ITK: variants seen among roughly 807,000 people sequenced by gnomAD.
ITK encodes tyrosine-protein kinase ITK/TSK.
A neutral mutation model predicts 87.6 loss-of-function variants in ITK; 45 were observed. The observed-to-expected ratio is 0.51, with a 90% CI of 0.40 to 0.66. ITK has a LOEUF of 0.66. ITK is among the 30% of genes least tolerant of loss of function. ITK has a pLI of 0.00. For synonymous variants in ITK, 303 were observed against 273.6 expected, an observed-to-expected ratio of 1.11 and a Z score of -1.06; for missense variants, 605 against 766.3, an observed-to-expected ratio of 0.79 and a Z score of 2.48.
chr5:157,225,618 C>T (rs578235076), intron 6 of ITK, among the ~76,000 whole-genome samples: 8 of 152,140 alleles, frequency 5.3e-5, no homozygotes, highest in South Asian at 2.1e-4. Context: ...CAGGGTAAAA[C>T]GTGATGAGAT....
At chr5:157,239,394 G>A (rs1301351490) in intron 9 of ITK, among the ~76,000 whole-genome samples, 1 of 152,146 alleles carries the variant, frequency 6.6e-6, no homozygotes, top group Non-Finnish European at 1.5e-5. Flanking sequence ...TCTACCAGGG[G>A]AGCTCATTAG....
At chr5:157,244,601 C>G in intron 13 of ITK, 123 bp downstream of exon 13, 2 of 729,404 alleles carry the variant, frequency 2.7e-6, no homozygotes, top group South Asian at 3.0e-5. Flanking sequence ...CTCAACTTCT[C>G]CCTTCCTTCA....
chr5:157,238,679 G>A (rs1051965011), intron 9 of ITK, among the ~76,000 whole-genome samples: 1 of 152,152 alleles, frequency 6.6e-6, no homozygotes, highest in Admixed American at 6.5e-5. Flanking sequence ...AGAAGAAACC[G>A]AGGTTCAGGA....
At chr5:157,213,243 T>A (rs1449798481) in intron 3 of ITK, among the ~76,000 whole-genome samples, 1 of 152,154 alleles carries the variant, frequency 6.6e-6, no homozygotes, top group South Asian at 2.1e-4. Context: ...CCATCAGGTC[T>A]CATGAGAACT....
intron 16 of ITK, among the ~76,000 whole-genome samples, chr5:157,251,519 A>C (rs1318102199): frequency 6.6e-6 from 1 of 152,238 alleles, no homozygotes; most frequent in African/African-American, 2.4e-5. Flanking sequence ...GCTCAACATC[A>C]ACTTATTTAT....
chr5:157,185,242 C>CTTT (rs796151659), intron 1 of ITK, among the ~76,000 whole-genome samples: 2 of 141,558 alleles, frequency 1.4e-5, no homozygotes, highest in African/African-American at 2.6e-5. Context: ...AAAAAGCTAT[C>CTTT]TTTTTTTTTT....
chr5:157,182,384 A>G (rs143707447), intron 1 of ITK, among the ~76,000 whole-genome samples: 6 of 152,300 alleles, frequency 3.9e-5, no homozygotes, highest in Non-Finnish European at 8.8e-5. Context: ...TGGATGCCTC[A>G]CTTTTTAAAG....
intron 10 of ITK, chr5:157,240,589 G>A (rs886268985): frequency 2.0e-5 from 6 of 303,614 alleles, no homozygotes; most frequent in African/African-American, 1.3e-4. Context: ...ATAAAGAAAA[G>A]AGGTTTAATT....
At chr5:157,236,772 C>G (rs1475833310) in intron 8 of ITK, among the ~76,000 whole-genome samples, 1 of 152,010 alleles carries the variant, frequency 6.6e-6, no homozygotes, top group Non-Finnish European at 1.5e-5. Flanking sequence ...TTTATTAGTG[C>G]TTATTTCATC....
chr5:157,222,538 G>A (rs145864079), intron 5 of ITK, among the ~76,000 whole-genome samples: 3 of 152,306 alleles, frequency 2.0e-5, no homozygotes, highest in East Asian at 1.9e-4. Flanking sequence ...ATTTCATGTT[G>A]ACTGCATCTC....
chr5:157,231,437 A>T (rs1239704368), intron 7 of ITK, among the ~76,000 whole-genome samples: 1 of 152,180 alleles, frequency 6.6e-6, no homozygotes, highest in Non-Finnish European at 1.5e-5. Context: ...CCTCGATTAG[A>T]TAATCTCTAA....
chr5:157,188,208 G>A (rs1753684455), intron 1 of ITK, among the ~76,000 whole-genome samples: 1 of 152,122 alleles, frequency 6.6e-6, no homozygotes, highest in South Asian at 2.1e-4. Context: ...TTCCAGCTGG[G>A]CTTCTGCTGG....
chr5:157,208,505 A>T (rs142450307), intron 1 of ITK, among the ~76,000 whole-genome samples: 2 of 152,228 alleles, frequency 1.3e-5, no homozygotes, highest in Non-Finnish European at 2.9e-5. Context: ...TCCGAGCTCA[A>T]TTACTATGCT....
At chr5:157,196,270 C>A (rs1753853811) in intron 1 of ITK, among the ~76,000 whole-genome samples, 1 of 152,248 alleles carries the variant, frequency 6.6e-6, no homozygotes, top group Middle Eastern at 3.4e-3. Flanking sequence ...AGAAGTTGTA[C>A]CAGTGAACAT....
At chr5:157,205,975 C>CTTTTTTTTTTTT (rs36004184) in intron 1 of ITK, among the ~76,000 whole-genome samples, 2 of 111,498 alleles carry the variant, frequency 1.8e-5, no homozygotes, top group Non-Finnish European at 1.8e-5. Flanking sequence ...AAGGATTAGC[C>CTTTTTTTTTTTT]TTTTTTTTTT....
chr5:157,208,075 C>A lies in ITK; in HGVS notation c.139-814C>A, dbSNP rs116193039. On this transcript the variant is annotated intron_variant, in intron 1 of 16. Transcript: ENST00000422843. ...TCAATGGCAGCTCAATTCTAGGTACCTGTGAGAGGCTTCTTCCATCCAGAA... is the reference window on the plus strand; with the variant it reads ...TCAATGGCAGCTCAATTCTAGGTACATGTGAGAGGCTTCTTCCATCCAGAA... Among the ~76,000 whole-genome samples the A allele has an allele frequency of 7.2e-3, 1,096 of 152,216 alleles. 17 individuals carry two copies. The highest frequency in any genetic ancestry group is 0.025 in the African/African-American group (1,035 of 41,526).
chr5:157,199,469 C>A (rs969413573), intron 1 of ITK: 2 of 152,190 alleles, frequency 1.3e-5, no homozygotes, highest in African/African-American at 4.8e-5. Context: ...CCAGCATAAG[C>A]ATTGCTCAGT....
chr5:157,210,419 A>G (rs1754165498), intron 2 of ITK, among the ~76,000 whole-genome samples: 1 of 152,100 alleles, frequency 6.6e-6, no homozygotes, highest in Admixed American at 6.5e-5. Flanking sequence ...AAGGAATAGC[A>G]TGTATTTTTC....
At chr5:157,236,886 G>A (rs562417470) in intron 8 of ITK, among the ~76,000 whole-genome samples, 8 of 152,052 alleles carry the variant, frequency 5.3e-5, no homozygotes, top group South Asian at 2.1e-4. Context: ...TTTTCCTTCC[G>A]CCCTGCAGCC....
Sources: allele counts gnomAD v4.1 joint callset (sites outside exome capture counted in the v4.1 genomes callset), GRCh38; gene constraint gnomAD v4.1.1; transcripts MANE v1.5; gene names NCBI Gene and HGNC (gene_info 2026-07-23, HGNC 2026-07-21).